TCEA3: variants seen among roughly 807,000 people sequenced by gnomAD.
TCEA3 encodes the protein transcription elongation factor A3.
A neutral mutation model predicts 44.0 loss-of-function variants in TCEA3; 36 were observed. The observed-to-expected ratio is 0.82, with a 90% CI of 0.63 to 1.08. The LOEUF (loss-of-function observed/expected upper bound fraction) is 1.08. Ranked by LOEUF, TCEA3 falls within the 50% of genes least tolerant of loss-of-function variation. The probability of loss-of-function intolerance (pLI) is 0.00; values close to 1 mark genes in which losing one functional copy is unlikely to be tolerated. For synonymous variants in TCEA3, 162 were observed against 159.7 expected, an observed-to-expected ratio of 1.01 and a Z score of -0.11; for missense variants, 392 against 441.2, an observed-to-expected ratio of 0.89 and a Z score of 1.00.
chr1:23,413,277 C>G (rs1198006716), intron 4 of TCEA3, among the ~76,000 whole-genome samples: 1 of 151,700 alleles, frequency 6.6e-6, no homozygotes, highest in East Asian at 1.9e-4. Flanking sequence ...GCTGAGAACA[C>G]AGGTGCACGC....
intron 2 of TCEA3, 148 bp from the exon 3 acceptor site, chr1:23,418,157 G>T: frequency 1.4e-6 from 1 of 718,140 alleles, no homozygotes; most frequent in Non-Finnish European, 2.4e-6. Flanking sequence ...GCTGAGGTCA[G>T]AACCCCACTA....
chr1:23,384,179 C>A, intron 10 of TCEA3, 167 bp downstream of exon 10: 1 of 1,466,010 alleles, frequency 6.8e-7, no homozygotes, highest in Non-Finnish European at 9.0e-7. Context: ...TCTCTCCCCA[C>A]CTCCCCAACA....
intron 10 of TCEA3, chr1:23,383,633 C>T (rs1451456292): frequency 1.0e-6 from 1 of 985,288 alleles, no homozygotes; most frequent in Admixed American, 6.2e-5. Context: ...TACCTTAGAA[C>T]TTTTGGAGCA....
intron 5 of TCEA3, among the ~76,000 whole-genome samples, chr1:23,408,379 C>T (rs1214575561): frequency 6.6e-6 from 1 of 152,058 alleles, no homozygotes; most frequent in East Asian, 1.9e-4. Flanking sequence ...GGAGCCACAC[C>T]CCTGATTCGG....
intron 5 of TCEA3, among the ~76,000 whole-genome samples, chr1:23,407,228 TCAAGATATATCCGGAAAC>T (rs1639569212): frequency 6.6e-6 from 1 of 152,150 alleles, no homozygotes; most frequent in Non-Finnish European, 1.5e-5. Context: ...AGCTTTCCTG[TCAAGATATATCCGGAAAC>T]CACCCCTTCA....
chr1:23,415,661 G>A (rs779687413), intron 4 of TCEA3, among the ~76,000 whole-genome samples: 6 of 152,208 alleles, frequency 3.9e-5, no homozygotes, highest in Admixed American at 6.5e-5. Context: ...TGTTCACTCC[G>A]TGCTAGGCAC....
At chr1:23,391,895 C>G (rs1041834333) in intron 8 of TCEA3, among the ~76,000 whole-genome samples, 1 of 151,982 alleles carries the variant, frequency 6.6e-6, no homozygotes, top group Non-Finnish European at 1.5e-5. Flanking sequence ...TACACTCCAG[C>G]CTGGGCAAAA....
intron 8 of TCEA3, among the ~76,000 whole-genome samples, chr1:23,393,275 C>T (rs1334857945): frequency 1.3e-5 from 2 of 152,108 alleles, no homozygotes; most frequent in South Asian, 2.1e-4. Context: ...CACTGCTCAC[C>T]TCCTGTTGTG....
chr1:23,396,989 G>T (rs906129015), intron 7 of TCEA3, among the ~76,000 whole-genome samples: 2 of 140,960 alleles, frequency 1.4e-5, no homozygotes, highest in Non-Finnish European at 3.0e-5. Flanking sequence ...TGGGCAACAG[G>T]AGTGAAACTC....
chr1:23,418,316 G>A (rs1639954997), intron 2 of TCEA3: 4 of 333,580 alleles, frequency 1.2e-5, no homozygotes, highest in Admixed American at 4.1e-5. Context: ...CAACCCTCTA[G>A]TGTCTATTTT....
intron 1 of TCEA3, among the ~76,000 whole-genome samples, chr1:23,423,490 C>T (rs1329832960): frequency 6.6e-6 from 1 of 152,184 alleles, no homozygotes; most frequent in Non-Finnish European, 1.5e-5. Context: ...TTCATGGTTC[C>T]AGTGACCCTT....
At chr1:23,407,774 T>C (rs1442410856) in intron 5 of TCEA3, among the ~76,000 whole-genome samples, 1 of 152,086 alleles carries the variant, frequency 6.6e-6, no homozygotes, top group Non-Finnish European at 1.5e-5. Flanking sequence ...CATGTCTGTA[T>C]CCCTGGCACC....
At chr1:23,403,918 A>T in intron 5 of TCEA3, 1 of 554,050 alleles carries the variant, frequency 1.8e-6, no homozygotes, top group East Asian at 2.9e-5. Context: ...AGGCAGCCAC[A>T]CTCATTTTGC....
intron 5 of TCEA3, chr1:23,404,129 G>A: frequency 1.4e-6 from 1 of 702,298 alleles, no homozygotes; most frequent in Non-Finnish European, 2.6e-6. Context: ...CCACCTCGAG[G>A]GCATTTCAGT....
At chr1:23,382,978 T>G (rs1470970414) in intron 10 of TCEA3, among the ~76,000 whole-genome samples, 1 of 152,152 alleles carries the variant, frequency 6.6e-6, no homozygotes, top group Non-Finnish European at 1.5e-5. Flanking sequence ...CTGAGGTCCT[T>G]AGTAAGAAAA....
chr1:23,383,758 G>A, intron 10 of TCEA3: 1 of 985,692 alleles, frequency 1.0e-6, no homozygotes, highest in Non-Finnish European at 1.2e-6. Flanking sequence ...GACTTGGCAG[G>A]AAGGAGCACT....
chr1:23,406,477 C>G (rs1302882895), intron 5 of TCEA3, among the ~76,000 whole-genome samples: 2 of 151,946 alleles, frequency 1.3e-5, no homozygotes, highest in East Asian at 3.9e-4. Context: ...GCCTGGCCTG[C>G]TCTCCTTGGC....
At chr1:23,420,197 T>C (rs1640015190) in intron 1 of TCEA3, among the ~76,000 whole-genome samples, 1 of 152,230 alleles carries the variant, frequency 6.6e-6, no homozygotes. Context: ...GGATCAGTAG[T>C]TCCTTTTTAT....
chr1:23,400,039 T>A (rs72882955), intron 5 of TCEA3, among the ~76,000 whole-genome samples: 1 of 152,112 alleles, frequency 6.6e-6, no homozygotes. Flanking sequence ...ATGGGCAATG[T>A]CAAAGGGCTC....
Sources: allele counts gnomAD v4.1 joint callset (sites outside exome capture counted in the v4.1 genomes callset), GRCh38; gene constraint gnomAD v4.1.1; transcripts MANE v1.5; gene names NCBI Gene and HGNC (gene_info 2026-07-23, HGNC 2026-07-21).